DNM3: variants seen among roughly 807,000 people sequenced by gnomAD.
DNM3 encodes dynamin 3.
A neutral mutation model predicts 101.6 loss-of-function variants in DNM3; 47 were observed. The observed-to-expected ratio is 0.46, with a 90% CI of 0.37 to 0.59. The LOEUF is 0.59. Ranked by LOEUF, DNM3 falls within the 20% of genes least tolerant of loss-of-function variation. DNM3 has a pLI of 0.00. For missense variants in DNM3, 849 were observed against 1,085.7 expected, an observed-to-expected ratio of 0.78 and a Z score of 3.06; for synonymous variants, 385 against 387.9, an observed-to-expected ratio of 0.99 and a Z score of 0.09.
At chr1:171,930,710 C>T (rs1440217726) in intron 2 of DNM3, among the ~76,000 whole-genome samples, 4 of 152,130 alleles carry the variant, frequency 2.6e-5, no homozygotes, top group Admixed American at 1.3e-4. Context: ...TAGTTTTCTC[C>T]GTTCTCCACG....
chr1:172,092,991 AGCT>A, intron 13 of DNM3, 116 bp downstream of exon 13: 1 of 937,312 alleles, frequency 1.1e-6, no homozygotes. Context: ...CTTGAAATGC[AGCT>A]TTCATTTTGA....
intron 14 of DNM3, among the ~76,000 whole-genome samples, chr1:172,159,483 G>C (rs1395037047): frequency 6.6e-6 from 1 of 151,980 alleles, no homozygotes; most frequent in Non-Finnish European, 1.5e-5. Flanking sequence ...GTATAAACAT[G>C]TTTCTTTAGC....
At chr1:172,261,824 G>A (rs548277888) in intron 15 of DNM3, among the ~76,000 whole-genome samples, 193 of 152,290 alleles carry the variant, frequency 1.3e-3, no homozygotes, top group African/African-American at 4.5e-3. Flanking sequence ...CTCAGACCCT[G>A]GGAGAAGTGC....
At chr1:172,288,171 A>G (rs1247220504) in intron 15 of DNM3, among the ~76,000 whole-genome samples, 2 of 152,214 alleles carry the variant, frequency 1.3e-5, no homozygotes, top group Non-Finnish European at 2.9e-5. Context: ...AACAAACAGT[A>G]ATTACTTAAT....
chr1:172,044,432 CA>C lies in DNM3; in HGVS notation c.1181del (p.Asn394ThrfsTer19). ...TGCGAAGAGAAATAAGCTATGCAAT[CA>C]AAAACATACATGGTATCAGGCAAGT... ...ELRREISYAI[K>X]NIHGIRTGLF... On this transcript the variant is annotated frameshift_variant, in exon 9 of 21. Coordinates refer to ENST00000627582, the MANE Select transcript of DNM3 (RefSeq NM_015569.5). LOFTEE classifies it high-confidence loss of function. The C allele has an allele frequency of 6.2e-7, 1 of 1,607,392 alleles. No homozygotes were observed. The highest frequency in any genetic ancestry group is 1.1e-5 in the South Asian group (1 of 89,146).
At chr1:172,328,115 A>G (rs1035163276) in intron 17 of DNM3, among the ~76,000 whole-genome samples, 7 of 152,154 alleles carry the variant, frequency 4.6e-5, no homozygotes, top group Non-Finnish European at 8.8e-5. Flanking sequence ...GAAAGCTTAT[A>G]GTAGATTATA....
At chr1:172,318,447 G>GTCCCTGTT (rs1326558353) in intron 16 of DNM3, among the ~76,000 whole-genome samples, 1 of 152,218 alleles carries the variant, frequency 6.6e-6, no homozygotes, top group Non-Finnish European at 1.5e-5. Context: ...AAGCCAAATT[G>GTCCCTGTT]TCCCTGTTTG....
At chr1:172,090,527 C>G (rs148716198) in intron 12 of DNM3, among the ~76,000 whole-genome samples, 4 of 151,622 alleles carry the variant, frequency 2.6e-5, no homozygotes, top group Non-Finnish European at 5.9e-5. Context: ...ATAATTTCAT[C>G]GTAATTAAGA....
At chr1:172,026,740 C>T (rs1400317524) in intron 4 of DNM3, among the ~76,000 whole-genome samples, 1 of 151,806 alleles carries the variant, frequency 6.6e-6, no homozygotes, top group African/African-American at 2.4e-5. Context: ...CTGCAAGCTC[C>T]GCCTCCGGGT....
chr1:172,076,156 A>G (rs1041109252), intron 11 of DNM3, among the ~76,000 whole-genome samples: 1 of 152,186 alleles, frequency 6.6e-6, no homozygotes, highest in African/African-American at 2.4e-5. Context: ...ATTTTTGCAC[A>G]TTGATTTTTG....
chr1:172,018,741 C>G (rs1168270330), intron 4 of DNM3, among the ~76,000 whole-genome samples: 1 of 152,164 alleles, frequency 6.6e-6, no homozygotes, highest in South Asian at 2.1e-4. Context: ...TTATTTTGAA[C>G]AAACTGTTAT....
chr1:172,086,891 G>A (rs1572447846), intron 12 of DNM3, among the ~76,000 whole-genome samples: 1 of 152,210 alleles, frequency 6.6e-6, no homozygotes, highest in African/African-American at 2.4e-5. Context: ...CTGTTGAGCA[G>A]TTGAAATGTG....
chr1:172,230,953 G>A (rs1025784281), intron 14 of DNM3, among the ~76,000 whole-genome samples: 1 of 151,924 alleles, frequency 6.6e-6, no homozygotes, highest in African/African-American at 2.4e-5. Flanking sequence ...ATGTTGAAAT[G>A]ACATAGATCT....
intron 2 of DNM3, among the ~76,000 whole-genome samples, chr1:171,929,119 G>A (rs917135011): frequency 6.6e-6 from 1 of 152,186 alleles, no homozygotes; most frequent in Non-Finnish European, 1.5e-5. Context: ...TAGAGCAGCT[G>A]TGCTCTGTTG....
At chr1:172,190,111 T>C (rs1160942924) in intron 14 of DNM3, among the ~76,000 whole-genome samples, 1 of 151,984 alleles carries the variant, frequency 6.6e-6, no homozygotes, top group East Asian at 1.9e-4. Context: ...GCTGTACCCA[T>C]TGACTCATCA....
intron 17 of DNM3, among the ~76,000 whole-genome samples, chr1:172,336,091 C>A (rs2066414749): frequency 6.6e-6 from 1 of 152,208 alleles, no homozygotes; most frequent in Admixed American, 6.6e-5. Flanking sequence ...GTGCTACTAT[C>A]TAGTGGGTAT....
intron 11 of DNM3, among the ~76,000 whole-genome samples, chr1:172,077,119 TTC>T (rs2052723754): frequency 6.6e-6 from 1 of 152,218 alleles, no homozygotes; most frequent in Non-Finnish European, 1.5e-5. Flanking sequence ...GTTTATAGTA[TTC>T]TCTGATGGCA....
intron 15 of DNM3, among the ~76,000 whole-genome samples, chr1:172,274,748 A>G (rs968817250): frequency 8.1e-5 from 12 of 148,066 alleles, no homozygotes; most frequent in African/African-American, 2.5e-4. Flanking sequence ...TTAATTTTCA[A>G]TTACTTGCAG....
chr1:172,281,067 T>TTGTG (rs141875053), intron 15 of DNM3, among the ~76,000 whole-genome samples: 251 of 148,712 alleles, frequency 1.7e-3, no homozygotes, highest in African/African-American at 3.2e-3. Context: ...TGTGATAATA[T>TTGTG]TGTGTGTGTG....
Sources: gnomAD v4.1 joint callset for allele counts (sites outside exome capture counted in the v4.1 genomes callset) on GRCh38, gnomAD v4.1.1 for gene constraint, MANE v1.5 for transcripts, NCBI Gene and HGNC (gene_info 2026-07-23, HGNC 2026-07-21) for gene names.